SESTD1: variants seen among roughly 807,000 people sequenced by gnomAD.
The protein encoded by SESTD1 is SEC14 and spectrin domain containing 1.
In SESTD1, 43 loss-of-function variants were observed where a neutral mutation model predicts 101.7. That is an observed-to-expected ratio of 0.42 (90% CI 0.33 to 0.55). SESTD1 has a LOEUF of 0.55. SESTD1 is among the 20% of genes least tolerant of loss of function. SESTD1 has a pLI of 0.07. For synonymous variants in SESTD1, 283 were observed against 286.8 expected (o/e 0.99, Z 0.13); for missense variants, 647 against 815.1 (o/e 0.79, Z 2.51).
chr2:179,230,170 G>A (rs539438468), intron 1 of SESTD1, among the ~76,000 whole-genome samples: 38 of 109,364 alleles, frequency 3.5e-4, no homozygotes, highest in African/African-American at 1.2e-3. Context: ...GTCTCACTCT[G>A]TCACCCAGGG....
chr2:179,173,296 A>G (rs1455928858), intron 4 of SESTD1, among the ~76,000 whole-genome samples: 1 of 151,938 alleles, frequency 6.6e-6, no homozygotes, highest in Non-Finnish European at 1.5e-5. Context: ...TCACTGCTGT[A>G]TTTTTCTTCA....
chr2:179,264,430 CCAA>C (rs2047529779), intron 1 of SESTD1, 66 bp downstream of exon 1: 1 of 150,878 alleles, frequency 6.6e-6, no homozygotes, highest in African/African-American at 2.4e-5. Context: ...CTGCACCGGC[CCAA>C]GCCGGCCACC....
chr2:179,214,026 G>A lies in SESTD1; in HGVS notation c.-25-22160C>T, dbSNP rs758854037. On this transcript the variant is annotated intron_variant, in intron 1 of 17. Coordinates refer to ENST00000428443, the MANE Select transcript of SESTD1 (RefSeq NM_178123.5). ...AACCGGTACCAGCCACTGCAAAAAC[G>A]TGCCAATGTGTAAAGACCATTGATG... Among the ~76,000 whole-genome samples, 16 of 134,778 alleles carry A rather than the reference G, an allele frequency of 1.2e-4. 5 individuals carry two copies. Among genetic ancestry groups the A allele is most frequent in the African/African-American group, 3.8e-4 (13 of 34,072 alleles). 88.4% of individuals were successfully genotyped at this position (134,778 alleles called of 152,430 possible).
chr2:179,149,490 GAT>G (rs1245682665), intron 6 of SESTD1, 96 bp from the exon 7 acceptor site: 1 of 793,378 alleles, frequency 1.3e-6, no homozygotes. Flanking sequence ...GGCCAGCTAG[GAT>G]ATGTTTTCCT....
intron 3 of SESTD1, 51 bp from the exon 4 acceptor site, chr2:179,176,589 C>T (rs2046016501): frequency 6.9e-7 from 1 of 1,441,042 alleles, no homozygotes; most frequent in African/African-American, 1.4e-5. Flanking sequence ...AGATTTCGTT[C>T]TTCATAATTC....
intron 1 of SESTD1, among the ~76,000 whole-genome samples, chr2:179,219,403 G>C (rs1040557916): frequency 6.6e-6 from 1 of 152,200 alleles, no homozygotes; most frequent in South Asian, 2.1e-4. Context: ...TTAGGGTAGC[G>C]TAGGGGTAAC....
intron 7 of SESTD1, among the ~76,000 whole-genome samples, chr2:179,147,277 A>T (rs1032682337): frequency 2.0e-5 from 3 of 152,072 alleles, no homozygotes; most frequent in African/African-American, 7.2e-5. Context: ...ACTGGCAAAT[A>T]TAAGATTTTG....
intron 9 of SESTD1, among the ~76,000 whole-genome samples, chr2:179,135,628 C>T (rs2045124766): frequency 1.3e-5 from 2 of 152,090 alleles, no homozygotes; most frequent in African/African-American, 4.8e-5. Context: ...GTATGCACAT[C>T]TATAGTCCCA....
At chr2:179,150,745 C>T (rs986870117) in intron 6 of SESTD1, among the ~76,000 whole-genome samples, 12 of 151,866 alleles carry the variant, frequency 7.9e-5, no homozygotes, top group Non-Finnish European at 1.5e-4. Context: ...ACTTGAATCC[C>T]GGAGGCGGAG....
At chr2:179,112,674 C>T (rs769345455) in intron 17 of SESTD1, 50 bp downstream of exon 17, 14 of 1,526,298 alleles carry the variant, frequency 9.2e-6, no homozygotes, top group Non-Finnish European at 1.2e-5. Context: ...AATGATTTCA[C>T]TTTAAGACCA....
chr2:179,180,928 A>C (rs2046096249), intron 3 of SESTD1, among the ~76,000 whole-genome samples: 1 of 152,210 alleles, frequency 6.6e-6, no homozygotes, highest in Non-Finnish European at 1.5e-5. Context: ...AGAAGGATAG[A>C]GTTTTCATGA....
chr2:179,170,400 T>C (rs2045911318), intron 5 of SESTD1, among the ~76,000 whole-genome samples: 3 of 152,186 alleles, frequency 2.0e-5, no homozygotes, highest in Non-Finnish European at 4.4e-5. Context: ...CCTTATTTTT[T>C]TTAAAAAATA....
chr2:179,197,252 T>C (rs1348652946), intron 1 of SESTD1, among the ~76,000 whole-genome samples: 3 of 151,206 alleles, frequency 2.0e-5, no homozygotes, highest in Non-Finnish European at 4.4e-5. Flanking sequence ...GAAGGGAAAT[T>C]TAGAGAAAAA....
At chr2:179,241,660 C>A (rs566981336) in intron 1 of SESTD1, among the ~76,000 whole-genome samples, 1 of 151,868 alleles carries the variant, frequency 6.6e-6, no homozygotes, top group African/African-American at 2.4e-5. Context: ...CAGTGGCTCA[C>A]GCATGTAATC....
At chr2:179,220,408 C>T (rs2046796343) in intron 1 of SESTD1, among the ~76,000 whole-genome samples, 1 of 152,188 alleles carries the variant, frequency 6.6e-6, no homozygotes, top group South Asian at 2.1e-4. Flanking sequence ...AGGAACATTG[C>T]ACTAGAGGAG....
At chr2:179,198,148 G>C (rs2046435232) in intron 1 of SESTD1, among the ~76,000 whole-genome samples, 1 of 152,006 alleles carries the variant, frequency 6.6e-6, no homozygotes, top group African/African-American at 2.4e-5. Flanking sequence ...AAGAAAGGCA[G>C]GGGTTGCAAT....
At chr2:179,183,761 T>C (rs1370873519) in intron 2 of SESTD1, among the ~76,000 whole-genome samples, 1 of 151,226 alleles carries the variant, frequency 6.6e-6, no homozygotes, top group Non-Finnish European at 1.5e-5. Context: ...AGAGTATCAC[T>C]TGAATCCAGG....
chr2:179,241,923 T>TAAA (rs534394486), intron 1 of SESTD1, among the ~76,000 whole-genome samples: 2 of 71,892 alleles, frequency 2.8e-5, no homozygotes. Context: ...CATTGTCTCA[T>TAAA]AAAAAAAAAA....
intron 1 of SESTD1, among the ~76,000 whole-genome samples, chr2:179,244,745 A>G (rs984613436): frequency 1.3e-5 from 2 of 152,236 alleles, no homozygotes; most frequent in Non-Finnish European, 2.9e-5. Context: ...AAGGTAGTTA[A>G]GCAAAAATAT....
Sources: gnomAD v4.1 joint callset for allele counts (sites outside exome capture counted in the v4.1 genomes callset) on GRCh38, gnomAD v4.1.1 for gene constraint, MANE v1.5 for transcripts, NCBI Gene and HGNC (gene_info 2026-07-23, HGNC 2026-07-21) for gene names.